TMCO6: variants seen among roughly 807,000 people sequenced by gnomAD.
TMCO6 encodes transmembrane and coiled-coil domain-containing protein 6.
A neutral mutation model predicts 61.8 loss-of-function variants in TMCO6; 47 were observed. The ratio of observed to expected loss-of-function variants is 0.76; its 90% CI spans 0.60 to 0.97. TMCO6 has a LOEUF of 0.97. TMCO6 is among the 50% of genes least tolerant of loss of function. TMCO6 has a pLI of 0.00. For synonymous variants in TMCO6, 261 were observed against 254.2 expected (o/e 1.03, Z -0.25); for missense variants, 557 against 601.6 (o/e 0.93, Z 0.78).
Position 140,643,009 on chromosome 5 carries a change from G to A in TMCO6, c.774G>A (p.Glu258=), listed in dbSNP as rs544296675. The A allele has an allele frequency of 1.9e-6, 3 of 1,614,190 alleles. No homozygotes were observed. In the Admixed American group the frequency reaches 5.0e-5, roughly 27 times the overall value. The change falls in exon 7 of 12, where the codon GAG becomes GAA. Residue 258 remains glutamate, a synonymous_variant. Transcript: ENST00000394671. ...AGCTCAACCCTGGGGTCGCTGTGGA[G>A]TTTGCCTGGTGCCTTCATTACATCA... ...GPKLNPGVAV[E]FAWCLHYIIC...
chr5:140,600,095 C>T, the TMCO6 span, among the ~76,000 whole-genome samples: 4 of 152,214 alleles, frequency 2.6e-5, no homozygotes, highest in Non-Finnish European at 5.9e-5. Context: ...CTTCCAGGCA[C>T]TTCTCTCCCC....
rs1022674243 is a variant in TMCO6 at position 140,641,648 on chromosome 5, C to T, written c.199-17C>T. On this transcript the variant is annotated splice_polypyrimidine_tract_variant and intron_variant, in intron 2 of 11. Coordinates refer to ENST00000394671, the MANE Select transcript of TMCO6 (RefSeq NM_018502.5). Reference sequence around the variant, plus strand: ...TCTGTGAACCGTGTGTTCTCCTTTCCCTGCCCTGAACTCCAGGTGCAGCAG... The same window carrying T: ...TCTGTGAACCGTGTGTTCTCCTTTCTCTGCCCTGAACTCCAGGTGCAGCAG... 2 of 1,610,608 alleles carry T rather than the reference C, an allele frequency of 1.2e-6. No individual in the cohort carries two copies. Among genetic ancestry groups the T allele is most frequent in the African/African-American group, 2.7e-5 (2 of 74,854 alleles).
the TMCO6 span, among the ~76,000 whole-genome samples, chr5:140,610,186 TAAAAA>T: frequency 2.8e-5 from 2 of 70,728 alleles, no homozygotes; most frequent in Non-Finnish European, 5.2e-5. Flanking sequence ...CCATTTCTAC[TAAAAA>T]AAAAAAAAAA....
the TMCO6 span, among the ~76,000 whole-genome samples, chr5:140,621,874 T>G: frequency 6.6e-6 from 1 of 152,162 alleles, no homozygotes; most frequent in Non-Finnish European, 1.5e-5. Flanking sequence ...CCAGGCTTAT[T>G]AGGAAGAGGA....
the TMCO6 span, among the ~76,000 whole-genome samples, chr5:140,605,063 G>A: frequency 6.6e-5 from 10 of 152,114 alleles, no homozygotes; most frequent in East Asian, 1.7e-3. Flanking sequence ...AACCTCTTTG[G>A]TAATTGTATT....
At chr5:140,644,905 T>C (rs1757304760) in intron 11 of TMCO6, 80 bp from the exon 12 acceptor site, 13 of 1,532,714 alleles carry the variant, frequency 8.5e-6, no homozygotes, top group Non-Finnish European at 1.1e-5. Context: ...CCCTCTGGAG[T>C]AGGCTGACCC....
upstream of TMCO6, chr5:140,639,420 C>G (rs1241903103): frequency 5.8e-6 from 7 of 1,206,170 alleles, no homozygotes; most frequent in Non-Finnish European, 8.3e-6. Context: ...TCGCGCCCTC[C>G]CCGCCTGTTC....
the TMCO6 span, chr5:140,632,081 C>A: frequency 5.8e-5 from 94 of 1,614,106 alleles, no homozygotes; most frequent in Non-Finnish European, 7.9e-5. This position sits in a 1 kb window ranked among gnomAD's most constrained non-coding sequence, Gnocchi z 6.2. Context: ...TGAGATCGAG[C>A]ACTCTGAGCT....
At chr5:140,632,010 GT>G in the TMCO6 span, 3 of 1,614,212 alleles carry the variant, frequency 1.9e-6, no homozygotes, top group Non-Finnish European at 2.5e-6. The surrounding 1 kb of genome is among the most constrained non-coding windows in gnomAD (Gnocchi z 6.2). Context: ...CCCGTCCAGT[GT>G]CAGGTTATCC....
the TMCO6 span, chr5:140,609,146 G>C: frequency 8.5e-5 from 13 of 153,062 alleles, no homozygotes; most frequent in Admixed American, 8.5e-4. Context: ...ATGGGGTAAG[G>C]AGAAAGCCCA....
the TMCO6 span, among the ~76,000 whole-genome samples, chr5:140,605,497 C>T: frequency 2.6e-5 from 4 of 151,964 alleles, no homozygotes; most frequent in Non-Finnish European, 4.4e-5. Flanking sequence ...CTGACCAACA[C>T]AGTGAAACCC....
At chr5:140,644,022 A>G (rs1314246091) in intron 9 of TMCO6, 56 bp downstream of exon 9, 2 of 1,613,376 alleles carry the variant, frequency 1.2e-6, no homozygotes, top group Admixed American at 1.7e-5. Flanking sequence ...ATATTTCCTC[A>G]TGGCCTAGGC....
At chr5:140,645,977 G>A (rs1757370956), downstream of TMCO6, among the ~76,000 whole-genome samples, 1 of 151,622 alleles carries the variant, frequency 6.6e-6, no homozygotes, top group Non-Finnish European at 1.5e-5. Flanking sequence ...GTATTGCATG[G>A]GTCCAGCCTC....
chr5:140,642,703 G>C, intron 6 of TMCO6, 32 bp downstream of exon 6: 1 of 1,610,704 alleles, frequency 6.2e-7, no homozygotes, highest in Non-Finnish European at 8.5e-7. Context: ...TGTGCAGCCA[G>C]AGGTGACCCA....
At chr5:140,600,758 C>G in the TMCO6 span, among the ~76,000 whole-genome samples, 2 of 152,276 alleles carry the variant, frequency 1.3e-5, no homozygotes, top group South Asian at 4.2e-4. Context: ...ACCAGTGGGC[C>G]TGGCCCCAAA....
the TMCO6 span, among the ~76,000 whole-genome samples, chr5:140,610,185 C>CAAAAA: frequency 1.8e-5 from 1 of 55,568 alleles, no homozygotes; most frequent in African/African-American, 6.9e-5. Context: ...CCCATTTCTA[C>CAAAAA]TAAAAAAAAA....
chr5:140,613,890 T>C, the TMCO6 span, among the ~76,000 whole-genome samples: 5 of 150,920 alleles, frequency 3.3e-5, no homozygotes, highest in Admixed American at 2.6e-4. Flanking sequence ...CATCGTTTTT[T>C]TTTGTTGTTG....
chr5:140,632,858 C>A, the TMCO6 span: 1 of 1,614,138 alleles, frequency 6.2e-7, no homozygotes, highest in Middle Eastern at 1.6e-4. This position sits in a 1 kb window ranked among gnomAD's most constrained non-coding sequence, Gnocchi z 6.2. Context: ...ACCAGTCGGG[C>A]TGAGGTTCGG....
At chr5:140,646,894 G>C (rs973477321), downstream of TMCO6, among the ~76,000 whole-genome samples, 1 of 152,148 alleles carries the variant, frequency 6.6e-6, no homozygotes, top group African/African-American at 2.4e-5. Context: ...ACAGGGCCCA[G>C]CTCTATGTGC....
Sources: gnomAD v4.1 joint callset for allele counts (sites outside exome capture counted in the v4.1 genomes callset) on GRCh38, gnomAD v4.1.1 for gene constraint, Gnocchi (gnomAD v3.1) non-coding constraint, MANE v1.5 for transcripts, NCBI Gene and HGNC (gene_info 2026-07-23, HGNC 2026-07-21) for gene names.